Variants in FTCDNL1 observed in about 807,000 individuals in gnomAD.
FTCDNL1 encodes the protein formiminotransferase N-terminal subdomain-containing protein.
A neutral mutation model predicts 5.9 loss-of-function variants in FTCDNL1; 11 were observed. The ratio of observed to expected loss-of-function variants is 1.87; its 90% CI spans 1.18 to 3.10. FTCDNL1 has a LOEUF of 3.10. Among genes scored for constraint, FTCDNL1 ranks in the 30% most tolerant of loss-of-function variants. The probability of loss-of-function intolerance (pLI) is 0.00; values close to 1 mark genes in which losing one functional copy is unlikely to be tolerated. For missense variants in FTCDNL1, 115 were observed against 65.5 expected (o/e 1.76, Z -2.61); for synonymous variants, 58 against 24.8 (o/e 2.34, Z -3.99).
intron 3 of FTCDNL1, among the ~76,000 whole-genome samples, chr2:199,777,709 A>T (rs1304073461): frequency 6.6e-6 from 1 of 152,122 alleles, no homozygotes; most frequent in African/African-American, 2.4e-5. Flanking sequence ...GGTGACTCTA[A>T]AGCACACCCA....
the FTCDNL1 span, among the ~76,000 whole-genome samples, chr2:199,752,782 ATGTG>A: frequency 2.9e-5 from 1 of 34,582 alleles, no homozygotes; most frequent in Non-Finnish European, 7.7e-5. Context: ...GTGTGTGTGT[ATGTG>A]TGTGTGTGTA....
At chr2:199,691,770 A>G in the FTCDNL1 span, among the ~76,000 whole-genome samples, 4 of 152,178 alleles carry the variant, frequency 2.6e-5, no homozygotes, top group Non-Finnish European at 5.9e-5. Flanking sequence ...GTGCATTCTC[A>G]ATGCTCTTCC....
downstream of FTCDNL1, among the ~76,000 whole-genome samples, chr2:199,759,536 T>A (rs1193269195): frequency 1.3e-5 from 2 of 152,132 alleles, no homozygotes; most frequent in Non-Finnish European, 2.9e-5. Flanking sequence ...ATACTATGAT[T>A]CTTCCAAGAG....
chr2:199,785,264 T>TTTTTTTTTTTTTA (rs1424317267), intron 3 of FTCDNL1, among the ~76,000 whole-genome samples: 2 of 142,448 alleles, frequency 1.4e-5, no homozygotes, highest in African/African-American at 5.3e-5. Flanking sequence ...TTTTTTTTTT[T>TTTTTTTTTTTTTA]TGAGACAGAA....
intron 3 of FTCDNL1, among the ~76,000 whole-genome samples, chr2:199,792,091 A>T (rs1699959393): frequency 6.6e-6 from 1 of 152,072 alleles, no homozygotes; most frequent in African/African-American, 2.4e-5. Context: ...ATGTGTAAAA[A>T]AAAAATCACA....
At chr2:199,762,118 C>T (rs961934300) in intron 3 of FTCDNL1, among the ~76,000 whole-genome samples, 4 of 152,124 alleles carry the variant, frequency 2.6e-5, no homozygotes, top group Admixed American at 6.5e-5. Context: ...TGGTGGCTCA[C>T]GCCTATAATC....
intron 4 of FTCDNL1, chr2:199,819,343 G>C (rs968208555): frequency 5.6e-6 from 3 of 539,814 alleles, no homozygotes; most frequent in African/African-American, 3.8e-5. Context: ...GATATATCTT[G>C]AATATCACTT....
downstream of FTCDNL1, among the ~76,000 whole-genome samples, chr2:199,755,727 T>C (rs1215209527): frequency 6.6e-6 from 1 of 152,192 alleles, no homozygotes; most frequent in Non-Finnish European, 1.5e-5. Context: ...TGCCACTCCC[T>C]AATGGTATGA....
the FTCDNL1 span, among the ~76,000 whole-genome samples, chr2:199,738,436 T>C: frequency 6.6e-6 from 1 of 152,210 alleles, no homozygotes; most frequent in African/African-American, 2.4e-5. Flanking sequence ...TTATTGAGCA[T>C]AAAATGGTTT....
chr2:199,846,241 T>C (rs1205769970), intron 2 of FTCDNL1, 71 bp from the exon 3 acceptor site: 4 of 614,496 alleles, frequency 6.5e-6, no homozygotes, highest in Middle Eastern at 3.1e-4. Flanking sequence ...TAATTTCTTC[T>C]GGTATATTTA....
At chr2:199,846,361 AACC>A (rs2076733090) in intron 2 of FTCDNL1, among the ~76,000 whole-genome samples, 191 bp from the exon 3 acceptor site, 1 of 152,244 alleles carries the variant, frequency 6.6e-6, no homozygotes, top group East Asian at 1.9e-4. Flanking sequence ...CTTATTGTAT[AACC>A]AGATGGCTCA....
intron 3 of FTCDNL1, among the ~76,000 whole-genome samples, chr2:199,787,225 A>G (rs1699700877): frequency 6.6e-6 from 1 of 151,374 alleles, no homozygotes; most frequent in Admixed American, 6.6e-5. Flanking sequence ...TCTGTCACCC[A>G]GGCTGGAGTG....
intron 3 of FTCDNL1, among the ~76,000 whole-genome samples, chr2:199,794,178 G>T (rs1467868248): frequency 1.3e-5 from 2 of 152,132 alleles, no homozygotes; most frequent in African/African-American, 4.8e-5. Flanking sequence ...AGTACACACT[G>T]GTGGAAAATT....
intron 3 of FTCDNL1, among the ~76,000 whole-genome samples, chr2:199,767,522 T>C (rs72922395): frequency 0.036 from 5,540 of 152,270 alleles, 153 homozygotes; most frequent in East Asian, 0.14. Context: ...CCAAGGTTCA[T>C]ATGTTGGAAT....
the FTCDNL1 span, among the ~76,000 whole-genome samples, chr2:199,703,462 C>A: frequency 1.3e-5 from 2 of 152,140 alleles, no homozygotes; most frequent in Non-Finnish European, 2.9e-5. Flanking sequence ...ACATTGAAAT[C>A]GCATTTTAGA....
At chr2:199,768,184 A>G (rs1698626075) in intron 3 of FTCDNL1, among the ~76,000 whole-genome samples, 1 of 152,230 alleles carries the variant, frequency 6.6e-6, no homozygotes, top group Non-Finnish European at 1.5e-5. Context: ...ATTCCAAAAT[A>G]TATTCTGGAA....
At chr2:199,680,215 G>T in the FTCDNL1 span, among the ~76,000 whole-genome samples, 3 of 152,228 alleles carry the variant, frequency 2.0e-5, no homozygotes, top group Admixed American at 6.5e-5. Context: ...ATGACCAGGA[G>T]ATTGGAGTTT....
rs761616342 is a variant in FTCDNL1 at position 199,810,877 on chromosome 2, C to A, written c.*1828G>T. ...TTTCTTGCTACTTTCAAACTTATTG[C>A]TCCTGATGTCAGCATCCATCAGAGA... On this transcript the variant is annotated 3_prime_UTR_variant, in exon 5 of 5. Transcript: ENST00000420128. Among the ~76,000 whole-genome samples, 1 of 152,178 alleles carries A rather than the reference C, an allele frequency of 6.6e-6. No homozygotes were observed. The highest frequency in any genetic ancestry group is 1.5e-5 in the Non-Finnish European group (1 of 68,034).
At chr2:199,750,151 C>T in the FTCDNL1 span, among the ~76,000 whole-genome samples, 12 of 151,288 alleles carry the variant, frequency 7.9e-5, no homozygotes, top group South Asian at 2.1e-4. Flanking sequence ...CCCAGGAGTT[C>T]GAGACCAGCC....
Sources: allele counts gnomAD v4.1 joint callset (sites outside exome capture counted in the v4.1 genomes callset), GRCh38; gene constraint gnomAD v4.1.1; transcripts MANE v1.5; gene names NCBI Gene and HGNC (gene_info 2026-07-23, HGNC 2026-07-21).